ITPR1: variants seen among roughly 807,000 people sequenced by gnomAD.
ITPR1 encodes inositol 1,4,5-trisphosphate receptor type 1, also known as inositol 1,4,5-trisphosphate-gated calcium channel ITPR1.
Under a neutral mutation model 318.4 loss-of-function variants are expected in ITPR1, and 96 were observed. The observed-to-expected ratio is 0.30, with a 90% CI of 0.26 to 0.36. The LOEUF (loss-of-function observed/expected upper bound fraction) is 0.36, where lower values mean the gene tolerates loss of function less well. Ranked by LOEUF, ITPR1 falls within the 10% of genes least tolerant of loss-of-function variation. The probability of loss-of-function intolerance (pLI) is 1.00; values close to 1 mark genes in which losing one functional copy is unlikely to be tolerated. For missense variants in ITPR1, 2,440 were observed against 3,460.2 expected, an observed-to-expected ratio of 0.71 and a Z score of 7.40; for synonymous variants, 1,312 against 1,289.9, an observed-to-expected ratio of 1.02 and a Z score of -0.37.
intron 44 of ITPR1, among the ~76,000 whole-genome samples, chr3:4,764,123 A>T (rs2045646678): frequency 6.6e-6 from 1 of 152,204 alleles, no homozygotes; most frequent in Admixed American, 6.5e-5. Context: ...CTTGGTGAGA[A>T]ATTCAGTCAC....
intron 4 of ITPR1, among the ~76,000 whole-genome samples, chr3:4,570,355 G>A (rs755588859): frequency 6.6e-6 from 1 of 152,218 alleles, no homozygotes; most frequent in African/African-American, 2.4e-5. Context: ...GTGAATGTGA[G>A]TGTATTTAAA....
chr3:4,807,239 C>T (rs1049417797), intron 55 of ITPR1, among the ~76,000 whole-genome samples: 1 of 151,956 alleles, frequency 6.6e-6, no homozygotes, highest in Admixed American at 6.6e-5. Context: ...AAAACCCCCC[C>T]GAAGCGCGTA....
At chr3:4,681,949 A>T (rs1281513671) in intron 26 of ITPR1, among the ~76,000 whole-genome samples, 1 of 152,188 alleles carries the variant, frequency 6.6e-6, no homozygotes, top group Admixed American at 6.5e-5. Flanking sequence ...TTGACTTAAG[A>T]CATTATTATA....
intron 4 of ITPR1, among the ~76,000 whole-genome samples, chr3:4,540,293 A>G (rs2084311948): frequency 6.6e-6 from 1 of 152,142 alleles, no homozygotes; most frequent in Non-Finnish European, 1.5e-5. Flanking sequence ...TTTGTCTGAT[A>G]TTAATATACC....
rs376993820 is a variant in ITPR1 at position 4,528,991 on chromosome 3, G to A, written c.163+7897G>A. ...TCACAGTGTGTTACACAATCGCTGGGGATGGTGCCTGCTGCCTGATTATGC... is the reference window on the plus strand; with the variant it reads ...TCACAGTGTGTTACACAATCGCTGGAGATGGTGCCTGCTGCCTGATTATGC... On this transcript the variant is annotated intron_variant, in intron 4 of 61. Transcript: ENST00000649015. Among the ~76,000 whole-genome samples, 3 of 152,252 alleles carry A rather than the reference G, an allele frequency of 2.0e-5. No homozygotes were observed. In the East Asian group the frequency reaches 5.8e-4, roughly 29 times the overall value.
chr3:4,702,346 G>GT (rs2094673742), intron 35 of ITPR1, among the ~76,000 whole-genome samples: 2 of 152,186 alleles, frequency 1.3e-5, no homozygotes, highest in African/African-American at 2.4e-5. Flanking sequence ...TGAGATCCAC[G>GT]TATCAGTTTG....
At chr3:4,806,055 A>T (rs41290674) in intron 54 of ITPR1, 48 bp from the exon 55 acceptor site, 2 of 1,485,204 alleles carry the variant, frequency 1.3e-6, no homozygotes, top group Non-Finnish European at 9.2e-7. Context: ...TCTCATGAAG[A>T]GTTTGGCACA....
rs1347802093 is a variant in ITPR1 at position 4,779,389 on chromosome 3, G to C, written c.6292-161G>C. ...TCTGAAGGGGGATGCTCTCTGCCTG[G>C]TGCAGATGGATTTTGATGTCCTTAA... On this transcript the variant is annotated intron_variant, in intron 48 of 61. Coordinates refer to ENST00000649015, the MANE Select transcript of ITPR1 (RefSeq NM_001378452.1). The surrounding 1 kb of genome is among the most constrained non-coding windows in gnomAD (Gnocchi z 4.0). Among the ~76,000 whole-genome samples the C allele has an allele frequency of 6.6e-6, 1 of 152,236 alleles. No individual in the cohort carries two copies. Among genetic ancestry groups the C allele is most frequent in the East Asian group, 1.9e-4 (1 of 5,196 alleles).
chr3:4,796,330 G>T (rs2047897209), intron 53 of ITPR1, among the ~76,000 whole-genome samples: 1 of 151,742 alleles, frequency 6.6e-6, no homozygotes, highest in Non-Finnish European at 1.5e-5. Context: ...CAGGAAACAT[G>T]AATGCCCGTG....
intron 25 of ITPR1, 50 bp from the exon 26 acceptor site, chr3:4,681,314 C>T: frequency 7.7e-7 from 1 of 1,290,894 alleles, no homozygotes; most frequent in Non-Finnish European, 1.1e-6. Context: ...TCACCAGCAG[C>T]ATGTTTGCAG....
At chr3:4,561,178 A>C (rs1251233436) in intron 4 of ITPR1, among the ~76,000 whole-genome samples, 2 of 152,210 alleles carry the variant, frequency 1.3e-5, no homozygotes, top group Non-Finnish European at 2.9e-5. Flanking sequence ...AAATAGTCTC[A>C]TATGAAGTGA....
At chr3:4,527,359 A>G (rs990763504) in intron 4 of ITPR1, among the ~76,000 whole-genome samples, 1 of 152,084 alleles carries the variant, frequency 6.6e-6, no homozygotes, top group African/African-American at 2.4e-5. Context: ...AAATTTTTGT[A>G]GAGATGGGGG....
rs1260958358 is a variant in ITPR1 at position 4,610,974 on chromosome 3, C to CCTCCTTCTCCTT, written c.164-16775_164-16764dup. Among the ~76,000 whole-genome samples the CCTCCTTCTCCTT allele has an allele frequency of 1.7e-3, 138 of 83,288 alleles. 4 individuals carry two copies. Among genetic ancestry groups the CCTCCTTCTCCTT allele is most frequent in the African/African-American group, 3.1e-3 (57 of 18,300 alleles). 54.6% of individuals were successfully genotyped at this position (83,288 alleles called of 152,430 possible). On this transcript the variant is annotated intron_variant, in intron 4 of 61. Transcript: ENST00000649015. ...CTTCCCCTTCCCCTTCCCCCTTCCC[C>CCTCCTTCTCCTT]CTCCTTCTCCTTCTCCTTCTCCTTC... is the stretch of plus-strand genomic sequence containing the variant.
intron 4 of ITPR1, among the ~76,000 whole-genome samples, chr3:4,583,043 T>A (rs558567553): frequency 2.0e-5 from 3 of 152,306 alleles, no homozygotes; most frequent in Admixed American, 1.3e-4. Context: ...ATTTAAAATT[T>A]TCTCAGCATG....
chr3:4,775,102 C>T (rs1472840163), intron 46 of ITPR1, 140 bp from the exon 47 acceptor site: 1 of 703,930 alleles, frequency 1.4e-6, no homozygotes, highest in Admixed American at 2.3e-5. Context: ...GGGGGGCATA[C>T]TGACTCTTCC....
intron 52 of ITPR1, among the ~76,000 whole-genome samples, chr3:4,790,111 A>G (rs1026831279): frequency 6.6e-6 from 1 of 152,260 alleles, no homozygotes; most frequent in Admixed American, 6.5e-5. Flanking sequence ...TGGAGATGAC[A>G]AAAAGGTTTT....
At chr3:4,757,313 C>T (rs2045075691) in intron 44 of ITPR1, among the ~76,000 whole-genome samples, 1 of 152,164 alleles carries the variant, frequency 6.6e-6, no homozygotes, top group South Asian at 2.1e-4. Context: ...CCCTGGCAGC[C>T]CTTCAGCTTG....
At chr3:4,599,549 T>C (rs1168430554) in intron 4 of ITPR1, among the ~76,000 whole-genome samples, 1 of 152,188 alleles carries the variant, frequency 6.6e-6, no homozygotes, top group Admixed American at 6.5e-5. Context: ...AACATCCTAC[T>C]TCCTTTGGTC....
At chr3:4,730,400 TG>T (rs1559788451) in intron 42 of ITPR1, among the ~76,000 whole-genome samples, 14 of 146,430 alleles carry the variant, frequency 9.6e-5, no homozygotes, top group South Asian at 6.4e-4. Context: ...TGTGTGTGTG[TG>T]TGTGTGTGTG....
Sources: gnomAD v4.1 joint callset for allele counts (sites outside exome capture counted in the v4.1 genomes callset) on GRCh38, gnomAD v4.1.1 for gene constraint, Gnocchi (gnomAD v3.1) non-coding constraint, MANE v1.5 for transcripts, NCBI Gene and HGNC (gene_info 2026-07-23, HGNC 2026-07-21) for gene names.